BNC2: variants seen among roughly 807,000 people sequenced by gnomAD.
BNC2 encodes the protein basonuclin zinc finger protein 2.
A neutral mutation model predicts 76.3 loss-of-function variants in BNC2; 20 were observed. The observed-to-expected ratio is 0.26, with a 90% CI of 0.18 to 0.38. The LOEUF is 0.38. Ranked by LOEUF, BNC2 falls within the 10% of genes least tolerant of loss-of-function variation. The probability of loss-of-function intolerance (pLI) is 1.00; values close to 1 mark genes in which losing one functional copy is unlikely to be tolerated. For missense variants in BNC2, 1,382 were observed against 1,399.8 expected (o/e 0.99, Z 0.20); for synonymous variants, 582 against 514.8 (o/e 1.13, Z -1.77).
intron 1 of BNC2, among the ~76,000 whole-genome samples, chr9:16,839,244 G>T (rs1390941067): frequency 1.3e-5 from 2 of 152,148 alleles, no homozygotes; most frequent in Admixed American, 1.3e-4. Context: ...AGTAATCTTA[G>T]TTGCTTTCAA....
At chr9:16,802,402 T>C (rs1012532510) in intron 1 of BNC2, among the ~76,000 whole-genome samples, 4 of 152,172 alleles carry the variant, frequency 2.6e-5, no homozygotes, top group Non-Finnish European at 4.4e-5. Context: ...TCAGTACAAT[T>C]AGCAATATCC....
chr9:16,530,369 A>G (rs893086436), intron 5 of BNC2, among the ~76,000 whole-genome samples: 29 of 152,244 alleles, frequency 1.9e-4, no homozygotes, highest in African/African-American at 6.0e-4. Context: ...TTCTGGAACA[A>G]AAGTTCCAGA....
chr9:16,657,650 G>A (rs960438790), intron 3 of BNC2, among the ~76,000 whole-genome samples: 2 of 152,166 alleles, frequency 1.3e-5, no homozygotes, highest in Non-Finnish European at 1.5e-5. Flanking sequence ...GAGGCTTATC[G>A]TGTATTAATA....
intron 5 of BNC2, among the ~76,000 whole-genome samples, chr9:16,438,765 A>T (rs1821069126): frequency 6.6e-6 from 1 of 152,128 alleles, no homozygotes; most frequent in African/African-American, 2.4e-5. Flanking sequence ...ATCGCAAAAA[A>T]CCTAACAGAC....
chr9:16,449,292 A>G (rs367730798), intron 5 of BNC2, among the ~76,000 whole-genome samples: 5 of 152,284 alleles, frequency 3.3e-5, no homozygotes, highest in African/African-American at 1.2e-4. Context: ...TTACAAGTGT[A>G]TATTCATCCA....
chr9:16,804,716 CAT>C (rs1446655224), intron 1 of BNC2, among the ~76,000 whole-genome samples: 5 of 152,128 alleles, frequency 3.3e-5, no homozygotes, highest in African/African-American at 4.8e-5. Flanking sequence ...ATTTATTTCA[CAT>C]GTCAGAAAAT....
At chr9:16,654,831 G>A (rs1821883171) in intron 3 of BNC2, among the ~76,000 whole-genome samples, 1 of 152,088 alleles carries the variant, frequency 6.6e-6, no homozygotes, top group Non-Finnish European at 1.5e-5. Context: ...AGCAATTTCA[G>A]TCACATCAGA....
chr9:16,639,087 A>C lies in BNC2; in HGVS notation c.331-56002T>G, dbSNP rs570646886. 1.8e-4 allele frequency among the ~76,000 whole-genome samples: 28 copies of C among 152,296 alleles called. 1 individual carries two copies. The East Asian group carries it at 5.4e-3, about 29-fold the overall frequency. ...TGTGTAATAGGCTATTTTCCCTCAA[A>C]AGAAACTTTTCCTTAATGTGAACTT... On this transcript the variant is annotated intron_variant, in intron 3 of 6. Coordinates refer to ENST00000380672, the MANE Select transcript of BNC2 (RefSeq NM_017637.6).
intron 1 of BNC2, among the ~76,000 whole-genome samples, chr9:16,813,780 C>G (rs2135878717): frequency 6.6e-6 from 1 of 152,254 alleles, no homozygotes; most frequent in Middle Eastern, 3.4e-3. Flanking sequence ...ATGCAAAGAA[C>G]ATAGGTTTTT....
At chr9:16,743,581 C>G (rs1337203723) in intron 1 of BNC2, among the ~76,000 whole-genome samples, 1 of 152,220 alleles carries the variant, frequency 6.6e-6, no homozygotes, top group Non-Finnish European at 1.5e-5. Flanking sequence ...TAACCCACAG[C>G]TGTGTGTGCT....
intron 1 of BNC2, among the ~76,000 whole-genome samples, chr9:16,822,371 T>C (rs985290814): frequency 1.1e-4 from 17 of 152,112 alleles, no homozygotes; most frequent in Non-Finnish European, 1.6e-4. Flanking sequence ...ACACAGAAGT[T>C]AAGAGACTTG....
chr9:16,770,867 T>C (rs1202465694), intron 1 of BNC2, among the ~76,000 whole-genome samples: 2 of 151,008 alleles, frequency 1.3e-5, no homozygotes, highest in East Asian at 3.9e-4. Context: ...AGCAAGACCC[T>C]GTCACAAAAA....
chr9:16,560,910 C>A (rs1169250097), intron 4 of BNC2, among the ~76,000 whole-genome samples: 1 of 152,156 alleles, frequency 6.6e-6, no homozygotes, highest in African/African-American at 2.4e-5. Context: ...CCAACCAACG[C>A]AGGAAAGTTC....
intron 4 of BNC2, among the ~76,000 whole-genome samples, chr9:16,557,787 A>G (rs1397706306): frequency 6.6e-6 from 1 of 151,210 alleles, no homozygotes; most frequent in Admixed American, 6.6e-5. Context: ...AATAGAAGCT[A>G]CATTTCCTTT....
intron 3 of BNC2, among the ~76,000 whole-genome samples, chr9:16,705,542 C>T (rs1318319799): frequency 6.6e-6 from 1 of 152,210 alleles, no homozygotes; most frequent in Non-Finnish European, 1.5e-5. Context: ...TCCCTCTCAA[C>T]AGGCTCTTGG....
intron 3 of BNC2, among the ~76,000 whole-genome samples, chr9:16,659,212 T>C (rs1029854360): frequency 1.3e-5 from 2 of 152,156 alleles, no homozygotes; most frequent in African/African-American, 4.8e-5. Context: ...ACAATAGTAT[T>C]ACAGTCAAAT....
At chr9:16,438,598 C>T (rs1276711064) in intron 5 of BNC2, among the ~76,000 whole-genome samples, 5 of 152,164 alleles carry the variant, frequency 3.3e-5, no homozygotes, top group African/African-American at 1.2e-4. Flanking sequence ...CCATCACTTT[C>T]TAGGGCACCA....
chr9:16,805,366 C>T (rs1487986311), intron 1 of BNC2, among the ~76,000 whole-genome samples: 1 of 151,306 alleles, frequency 6.6e-6, no homozygotes, highest in African/African-American at 2.4e-5. Flanking sequence ...AGCTCTTGTT[C>T]CCCAGGCTGG....
At chr9:16,461,624 A>C (rs778585432) in intron 5 of BNC2, among the ~76,000 whole-genome samples, 2 of 151,566 alleles carry the variant, frequency 1.3e-5, no homozygotes, top group Non-Finnish European at 2.9e-5. Context: ...GTTTGTAAGG[A>C]GGTTTCGGGT....
Sources: allele counts gnomAD v4.1 joint callset (sites outside exome capture counted in the v4.1 genomes callset), GRCh38; gene constraint gnomAD v4.1.1; transcripts MANE v1.5; gene names NCBI Gene and HGNC (gene_info 2026-07-23, HGNC 2026-07-21).